Variants in DTNB observed in about 807,000 individuals in gnomAD.
DTNB encodes DTN-B.
In DTNB, 63 loss-of-function variants were observed where a neutral mutation model predicts 90.7. The ratio of observed to expected loss-of-function variants is 0.69; its 90% confidence interval spans 0.57 to 0.86. The LOEUF is 0.86. DTNB is among the 40% of genes least tolerant of loss of function. DTNB has a pLI of 0.00. For missense variants in DTNB, 744 were observed against 807.1 expected (o/e 0.92, Z 0.95); for synonymous variants, 277 against 286.7 (o/e 0.97, Z 0.34).
chr2:25,563,235 C>T (rs879834140), intron 8 of DTNB, among the ~76,000 whole-genome samples: 30 of 152,198 alleles, frequency 2.0e-4, no homozygotes, highest in Non-Finnish European at 3.4e-4. Context: ...TTCCCATTTT[C>T]TCCTCCCAAC....
chr2:25,577,539 G>GA (rs61010626), intron 7 of DTNB, among the ~76,000 whole-genome samples: 3 of 150,624 alleles, frequency 2.0e-5, no homozygotes, highest in Admixed American at 6.6e-5. Context: ...TAATACATCA[G>GA]AAAAAAAAAT....
At chr2:25,601,503 A>G (rs1414441401) in intron 5 of DTNB, among the ~76,000 whole-genome samples, 1 of 152,136 alleles carries the variant, frequency 6.6e-6, no homozygotes, top group African/African-American at 2.4e-5. Context: ...CCATCATCAC[A>G]TATGTCTTGA....
At chr2:25,598,506 A>C (rs1054676412) in intron 5 of DTNB, among the ~76,000 whole-genome samples, 2 of 152,232 alleles carry the variant, frequency 1.3e-5, no homozygotes, top group Non-Finnish European at 2.9e-5. Context: ...CAGCTTAGAA[A>C]GGTTAACTTG....
intron 4 of DTNB, among the ~76,000 whole-genome samples, chr2:25,614,769 C>T (rs904340510): frequency 6.6e-6 from 1 of 152,140 alleles, no homozygotes; most frequent in African/African-American, 2.4e-5. Context: ...CGGGGAAAAA[C>T]AAAACAAAAC....
intron 9 of DTNB, among the ~76,000 whole-genome samples, chr2:25,498,945 G>A (rs944245503): frequency 6.6e-6 from 1 of 151,144 alleles, no homozygotes; most frequent in Non-Finnish European, 1.5e-5. Context: ...GTCAGGCATG[G>A]TGGCTCACTC....
chr2:25,539,809 A>T (rs1002072167), intron 8 of DTNB, among the ~76,000 whole-genome samples: 15 of 152,174 alleles, frequency 9.9e-5, no homozygotes, highest in African/African-American at 3.6e-4. Context: ...GCCATAAGGT[A>T]TACTTCCAAA....
intron 10 of DTNB, among the ~76,000 whole-genome samples, chr2:25,479,845 A>T (rs1318583857): frequency 1.3e-5 from 2 of 152,236 alleles, no homozygotes; most frequent in African/African-American, 2.4e-5. Context: ...TTGACGTCTT[A>T]GGATGAGTTC....
At chr2:25,449,261 T>C (rs1469962903) in intron 12 of DTNB, among the ~76,000 whole-genome samples, 1 of 152,238 alleles carries the variant, frequency 6.6e-6, no homozygotes, top group Non-Finnish European at 1.5e-5. Context: ...CGTGGGCTAT[T>C]CCAGCTATTA....
rs537293616 is a variant in DTNB at position 25,509,341 on chromosome 2, C to T, written c.1001+22132G>A. On this transcript the variant is annotated intron_variant, in intron 9 of 20. Coordinates refer to ENST00000406818, the MANE Select transcript of DTNB (RefSeq NM_021907.5). ...CAGATTGAGAAGGTACCCTCTATTC[C>T]TAACTTTCTGAGAGTTTTTAAAAAT... Among the ~76,000 whole-genome samples the T allele has an allele frequency of 2.0e-5, 3 of 152,256 alleles. 1 individual carries two copies. In the South Asian group the frequency reaches 6.2e-4, roughly 32 times the overall value.
intron 8 of DTNB, among the ~76,000 whole-genome samples, chr2:25,568,976 T>G (rs1419392132): frequency 6.6e-6 from 1 of 152,164 alleles, no homozygotes; most frequent in Admixed American, 6.5e-5. Flanking sequence ...ATGCCTCCTC[T>G]AGGGATGCTG....
intron 8 of DTNB, among the ~76,000 whole-genome samples, chr2:25,544,047 A>C (rs2081931876): frequency 6.6e-6 from 1 of 152,210 alleles, no homozygotes; most frequent in African/African-American, 2.4e-5. Flanking sequence ...AACCGCTGGC[A>C]ACTAGGAGGG....
chr2:25,579,935 C>T (rs1474335094), intron 7 of DTNB, among the ~76,000 whole-genome samples: 6 of 149,108 alleles, frequency 4.0e-5, no homozygotes, highest in African/African-American at 1.2e-4. Context: ...AAGCCTATAG[C>T]TGAAGTTGTA....
intron 9 of DTNB, among the ~76,000 whole-genome samples, chr2:25,484,513 T>A (rs2065725981): frequency 6.6e-6 from 1 of 152,242 alleles, no homozygotes; most frequent in Non-Finnish European, 1.5e-5. Flanking sequence ...GGAACCCAGA[T>A]GTTAAAGAAG....
intron 4 of DTNB, among the ~76,000 whole-genome samples, chr2:25,624,305 G>A (rs921477865): frequency 2.0e-5 from 3 of 152,138 alleles, no homozygotes; most frequent in Non-Finnish European, 4.4e-5. Flanking sequence ...ACCACCTTGG[G>A]CACACATTGT....
chr2:25,665,254 G>A (rs2084144886), intron 1 of DTNB, among the ~76,000 whole-genome samples: 1 of 152,138 alleles, frequency 6.6e-6, no homozygotes, highest in African/African-American at 2.4e-5. Context: ...AAGCATCCAA[G>A]TATTGAAATT....
intron 8 of DTNB, among the ~76,000 whole-genome samples, chr2:25,573,655 G>A (rs2060215423): frequency 6.6e-6 from 1 of 152,168 alleles, no homozygotes; most frequent in East Asian, 1.9e-4. Flanking sequence ...CTAGAGCCCG[G>A]TGGGTGTGAG....
rs2082829867 is a variant in DTNB at position 25,659,979 on chromosome 2, T to C, written c.-1-7318A>G. On this transcript the variant is annotated intron_variant, in intron 1 of 20. Coordinates refer to ENST00000406818, the MANE Select transcript of DTNB (RefSeq NM_021907.5). ...TTCAACGAAATATTAGCAAATGAAG[T>C]CCATGAACGTATGAAAACTTACTAC... Among the ~76,000 whole-genome samples, 3 of 152,140 alleles carry C rather than the reference T, an allele frequency of 2.0e-5. No homozygotes were observed. The South Asian group carries it at 6.2e-4, about 32-fold the overall frequency.
At chr2:25,552,986 G>C (rs1014424035) in intron 8 of DTNB, among the ~76,000 whole-genome samples, 1 of 150,240 alleles carries the variant, frequency 6.7e-6, no homozygotes, top group East Asian at 2.0e-4. Context: ...TCAGCCTCCC[G>C]AGTAGCTGGG....
chr2:25,638,110 C>T (rs527760642), intron 3 of DTNB, among the ~76,000 whole-genome samples: 1 of 152,218 alleles, frequency 6.6e-6, no homozygotes, highest in Non-Finnish European at 1.5e-5. Flanking sequence ...ATCGCAAGGA[C>T]AGAAAAGTGA....
Sources: allele counts gnomAD v4.1 joint callset (sites outside exome capture counted in the v4.1 genomes callset), GRCh38; gene constraint gnomAD v4.1.1; transcripts MANE v1.5; gene names NCBI Gene and HGNC (gene_info 2026-07-23, HGNC 2026-07-21).